Variants in CAMTA1 observed in about 807,000 individuals in gnomAD.
CAMTA1 encodes calmodulin binding transcription activator 1.
In CAMTA1, 27 loss-of-function variants were observed where a neutral mutation model predicts 170.9. That is an observed-to-expected ratio of 0.16 (90% CI 0.12 to 0.22). CAMTA1 has a LOEUF of 0.22. Ranked by LOEUF, CAMTA1 falls within the 10% of genes least tolerant of loss-of-function variation. The probability of loss-of-function intolerance (pLI) is 1.00; values close to 1 mark genes in which losing one functional copy is unlikely to be tolerated. For synonymous variants in CAMTA1, 833 were observed against 891.5 expected, an observed-to-expected ratio of 0.93 and a Z score of 1.17; for missense variants, 1,619 against 2,217.2, an observed-to-expected ratio of 0.73 and a Z score of 5.42.
At chr1:7,686,031 T>C (rs1396833886) in intron 11 of CAMTA1, among the ~76,000 whole-genome samples, 1 of 152,162 alleles carries the variant, frequency 6.6e-6, no homozygotes, top group Non-Finnish European at 1.5e-5. Context: ...ACCACCTTAA[T>C]TCAGCCCAAA....
intron 4 of CAMTA1, among the ~76,000 whole-genome samples, chr1:7,129,145 A>G (rs1645104012): frequency 6.6e-6 from 1 of 151,946 alleles, no homozygotes; most frequent in Non-Finnish European, 1.5e-5. Context: ...GCCTAGCCCC[A>G]TTTTTAAAGA....
At chr1:6,864,768 T>G (rs1252124972) in intron 3 of CAMTA1, among the ~76,000 whole-genome samples, 3 of 152,108 alleles carry the variant, frequency 2.0e-5, no homozygotes, top group African/African-American at 4.8e-5. Context: ...GGGGCACTCT[T>G]GCTGGGTGTT....
intron 6 of CAMTA1, among the ~76,000 whole-genome samples, chr1:7,475,574 T>C (rs1238347492): frequency 6.6e-6 from 1 of 152,212 alleles, no homozygotes; most frequent in African/African-American, 2.4e-5. Context: ...TGTGTTACCT[T>C]CAGCCACCAA....
At chr1:7,398,189 CTCTCTATATATATATATATATA>C (rs1275080838) in intron 5 of CAMTA1, among the ~76,000 whole-genome samples, 17 of 32,324 alleles carry the variant, frequency 5.3e-4, no homozygotes, top group African/African-American at 1.2e-3. Context: ...CTCTCTCTCT[CTCTCTATATATATATATATATA>C]TATATATATA....
chr1:7,094,702 G>A (rs1641863308), intron 4 of CAMTA1, among the ~76,000 whole-genome samples: 1 of 152,124 alleles, frequency 6.6e-6, no homozygotes, highest in African/African-American at 2.4e-5. Flanking sequence ...TGTGCTACAC[G>A]GAGGCTCCCA....
rs1313438106 is a variant in CAMTA1, at chr1:7,737,363, G to C, written c.3451G>C (p.Ala1151Pro). Residue 1151 changes from alanine (A) to proline (P), a missense_variant, in exon 15 of 23, where the codon GCC (alanine) becomes CCC (proline). This residue lies in a region of CAMTA1 where 60 missense variants were observed against 128.5 expected (regional missense o/e 0.47). Transcript: ENST00000303635. The part of the protein sequence containing the change: ...DSLGRLPLGI[A>P]RSRGHVKLAE... ...TCTAGGAAGGCTGCCTTTGGGAATTGCCAGGTCACGGGGTCATGTGAAATT... is the reference window on the plus strand; with the variant it reads ...TCTAGGAAGGCTGCCTTTGGGAATTCCCAGGTCACGGGGTCATGTGAAATT... 11 of 1,614,236 alleles carry C rather than the reference G, an allele frequency of 6.8e-6. No individual in the cohort carries two copies. The highest frequency in any genetic ancestry group is 9.3e-6 in the Non-Finnish European group (11 of 1,180,044).
Position 7,195,265 on chromosome 1 carries a change from G to A in CAMTA1, c.303-54226G>A, listed in dbSNP as rs948222663. Among the ~76,000 whole-genome samples the A allele has an allele frequency of 3.9e-5, 6 of 152,228 alleles. No homozygotes were observed. The highest frequency in any genetic ancestry group is 3.3e-4 in the Admixed American group (5 of 15,282). On this transcript the variant is annotated intron_variant, in intron 4 of 22. Coordinates refer to ENST00000303635, the MANE Select transcript of CAMTA1 (RefSeq NM_015215.4). The surrounding 1 kb of genome is among the most constrained non-coding windows in gnomAD (Gnocchi z 4.1). ...GTTCTCACACCATTCGACATTTGGG[G>A]TGACCAAGTCATGCACTCTGACCAG...
chr1:7,545,933 T>C (rs2094686077), intron 6 of CAMTA1, among the ~76,000 whole-genome samples: 1 of 149,382 alleles, frequency 6.7e-6, no homozygotes, highest in Non-Finnish European at 1.5e-5. Flanking sequence ...TGAAAACATG[T>C]GGTGTTTGGT....
chr1:7,661,899 A>C (rs933750551), intron 8 of CAMTA1, 33 bp downstream of exon 8: 27 of 1,570,052 alleles, frequency 1.7e-5, no homozygotes, highest in Non-Finnish European at 2.3e-5. Context: ...GGCGGGCGCC[A>C]CGGGGACAGA....
chr1:7,763,014 A>G (rs2096987313), intron 22 of CAMTA1, among the ~76,000 whole-genome samples: 1 of 152,216 alleles, frequency 6.6e-6, no homozygotes, highest in African/African-American at 2.4e-5. Flanking sequence ...AGATATTTTT[A>G]GAGACAGTGA....
At chr1:6,944,982 G>A (rs1225517908) in intron 3 of CAMTA1, among the ~76,000 whole-genome samples, 2 of 152,168 alleles carry the variant, frequency 1.3e-5, no homozygotes, top group Admixed American at 6.5e-5. Context: ...TTATTGGGAC[G>A]TAGCCCCATC....
At chr1:7,037,568 G>A (rs935764650) in intron 3 of CAMTA1, among the ~76,000 whole-genome samples, 3 of 152,136 alleles carry the variant, frequency 2.0e-5, no homozygotes, top group Non-Finnish European at 4.4e-5. Context: ...GGCCGGGCGC[G>A]GTGGCTCACG....
At chr1:6,856,653 A>T (rs1016807833) in intron 3 of CAMTA1, among the ~76,000 whole-genome samples, 1 of 152,206 alleles carries the variant, frequency 6.6e-6, no homozygotes, top group South Asian at 2.1e-4. Flanking sequence ...ATAATTAATT[A>T]TAAGAATGGG....
intron 4 of CAMTA1, among the ~76,000 whole-genome samples, chr1:7,225,305 C>T (rs1334565639): frequency 6.6e-6 from 1 of 152,138 alleles, no homozygotes; most frequent in African/African-American, 2.4e-5. Flanking sequence ...AGGATGGTCT[C>T]GATCTCCTGA....
At chr1:7,178,209 T>C (rs1485043797) in intron 4 of CAMTA1, among the ~76,000 whole-genome samples, 1 of 152,218 alleles carries the variant, frequency 6.6e-6, no homozygotes, top group Non-Finnish European at 1.5e-5. Flanking sequence ...CTGCCAGAAC[T>C]GGTGCAGAGT....
chr1:6,807,428 A>G (rs1644647190), intron 1 of CAMTA1, among the ~76,000 whole-genome samples: 1 of 152,184 alleles, frequency 6.6e-6, no homozygotes, highest in African/African-American at 2.4e-5. Context: ...ACATACAGAA[A>G]TCTAGGCTTT....
intron 4 of CAMTA1, among the ~76,000 whole-genome samples, chr1:7,204,946 C>T (rs376365524): frequency 6.7e-6 from 1 of 149,802 alleles, no homozygotes; most frequent in Admixed American, 6.6e-5. Flanking sequence ...TCTCCCGCCT[C>T]AGCCTCCCAA....
chr1:6,992,019 T>C (rs1696463400), intron 3 of CAMTA1, among the ~76,000 whole-genome samples: 1 of 151,768 alleles, frequency 6.6e-6, no homozygotes, highest in African/African-American at 2.4e-5. Flanking sequence ...ATTGTTATAA[T>C]GGTGTTTCTT....
At chr1:7,492,589 A>G (rs909351701) in intron 6 of CAMTA1, among the ~76,000 whole-genome samples, 2 of 139,376 alleles carry the variant, frequency 1.4e-5, no homozygotes, top group African/African-American at 6.3e-5. Context: ...ACCTACATAC[A>G]CACACGCGTG....
Sources: gnomAD v4.1 joint callset for allele counts (sites outside exome capture counted in the v4.1 genomes callset) on GRCh38, gnomAD v4.1.1 for gene constraint, gnomAD v4.1.1 regional missense constraint, Gnocchi (gnomAD v3.1) non-coding constraint, MANE v1.5 for transcripts, NCBI Gene and HGNC (gene_info 2026-07-23, HGNC 2026-07-21) for gene names.